The following CYP7B1 variants were observed in gnomAD, a reference collection of about 807,000 sequenced individuals.
The protein encoded by CYP7B1 is cytochrome P450 family 7 subfamily B member 1.
A neutral mutation model predicts 42.7 loss-of-function variants in CYP7B1; 29 were observed. That is an observed-to-expected ratio of 0.68 (90% CI 0.51 to 0.93). The LOEUF is 0.93. CYP7B1 is among the 40% of genes least tolerant of loss of function. CYP7B1 has a pLI of 0.00. For synonymous variants in CYP7B1, 235 were observed against 218.2 expected, an observed-to-expected ratio of 1.08 and a Z score of -0.68; for missense variants, 655 against 600.5, an observed-to-expected ratio of 1.09 and a Z score of -0.95.
At chr8:64,738,218 T>C (rs545721378) in intron 1 of CYP7B1, among the ~76,000 whole-genome samples, 10 of 152,310 alleles carry the variant, frequency 6.6e-5, no homozygotes, top group African/African-American at 2.2e-4. Context: ...ATTTATATTG[T>C]GAAGTCTCTA....
intron 1 of CYP7B1, among the ~76,000 whole-genome samples, chr8:64,725,717 A>C (rs537375201): frequency 1.3e-5 from 2 of 152,232 alleles, no homozygotes; most frequent in Non-Finnish European, 2.9e-5. Context: ...GGGAAGACTG[A>C]CACACTTCTT....
chr8:64,588,271 A>G (rs987632660), downstream of CYP7B1, among the ~76,000 whole-genome samples: 3 of 152,252 alleles, frequency 2.0e-5, no homozygotes, highest in Non-Finnish European at 4.4e-5. Flanking sequence ...CCGAAAAACT[A>G]ATGGCAGCCA....
At position 64,594,196 on chromosome 8, in the gene CYP7B1, T is replaced by C. The variant is rs561071410; in HGVS notation, c.*2446A>G. ...GGCACAGTAGTGTGAGGATAGGTGA[T>C]GGAAAAGCTTTTAAGTTCTGCTTTG... On this transcript the variant is annotated 3_prime_UTR_variant, in exon 6 of 6. Coordinates refer to ENST00000310193, the MANE Select transcript of CYP7B1 (RefSeq NM_004820.5). Among the ~76,000 whole-genome samples, 248 of 152,246 alleles carry C rather than the reference T, an allele frequency of 1.6e-3. No individual in the cohort carries two copies. The highest frequency in any genetic ancestry group is 4.6e-3 in the Admixed American group (70 of 15,294).
chr8:64,704,972 T>C (rs1473881259), intron 1 of CYP7B1, among the ~76,000 whole-genome samples: 2 of 152,030 alleles, frequency 1.3e-5, no homozygotes, highest in Non-Finnish European at 2.9e-5. Context: ...TGTTTAGACA[T>C]TATCTCTGTG....
chr8:64,736,836 C>T (rs1339920425), intron 1 of CYP7B1, among the ~76,000 whole-genome samples: 1 of 152,098 alleles, frequency 6.6e-6, no homozygotes, highest in Non-Finnish European at 1.5e-5. Context: ...ATCCATATCT[C>T]AAATCTAATC....
At chr8:64,732,682 C>T (rs1807430297) in intron 1 of CYP7B1, among the ~76,000 whole-genome samples, 1 of 152,042 alleles carries the variant, frequency 6.6e-6, no homozygotes, top group African/African-American at 2.4e-5. Context: ...GCTCTGTGTC[C>T]CCAATCCAAA....
At chr8:64,651,445 G>T (rs73689567) in intron 1 of CYP7B1, among the ~76,000 whole-genome samples, 142 of 152,344 alleles carry the variant, frequency 9.3e-4, no homozygotes, top group African/African-American at 3.2e-3. Context: ...AGCGTCTGGA[G>T]CCAGATTATC....
At chr8:64,701,599 C>T (rs1021598301) in intron 1 of CYP7B1, among the ~76,000 whole-genome samples, 15 of 151,940 alleles carry the variant, frequency 9.9e-5, no homozygotes, top group Non-Finnish European at 2.1e-4. Flanking sequence ...GCTTAAATGC[C>T]TGAATAAAAT....
At chr8:64,641,537 G>A (rs1487822068) in intron 1 of CYP7B1, among the ~76,000 whole-genome samples, 1 of 152,076 alleles carries the variant, frequency 6.6e-6, no homozygotes, top group Non-Finnish European at 1.5e-5. Context: ...ACTTGAAAAG[G>A]TTCAGGAAAA....
At position 64,638,842 on chromosome 8, in the gene CYP7B1, T is replaced by C. The variant is rs187356992; in HGVS notation, c.123-14303A>G. Among the ~76,000 whole-genome samples the C allele has an allele frequency of 2.6e-5, 4 of 152,106 alleles. No individual in the cohort carries two copies. The East Asian group carries it at 5.8e-4, about 22-fold the overall frequency. ...TTTTGTGTATGTGTGTGTGTGTGTG[T>C]GCCTGTGTGTGTGCATGAACATGTA... On this transcript the variant is annotated intron_variant, in intron 1 of 5. Transcript: ENST00000310193.
intron 1 of CYP7B1, among the ~76,000 whole-genome samples, chr8:64,714,077 G>A (rs1046040781): frequency 3.9e-5 from 6 of 152,128 alleles, no homozygotes; most frequent in Admixed American, 2.0e-4. Flanking sequence ...GCTCAATGTC[G>A]CCCAGCTTTT....
intron 1 of CYP7B1, among the ~76,000 whole-genome samples, chr8:64,664,987 C>T (rs1563382113): frequency 6.6e-6 from 1 of 152,162 alleles, no homozygotes; most frequent in Non-Finnish European, 1.5e-5. Context: ...AAAAAGCACT[C>T]AGACCATGGC....
intron 1 of CYP7B1, among the ~76,000 whole-genome samples, chr8:64,777,958 T>G (rs1327812626): frequency 6.6e-6 from 1 of 151,906 alleles, no homozygotes; most frequent in African/African-American, 2.4e-5. Context: ...TCAGTTTAAC[T>G]TTAAAATATG....
intron 1 of CYP7B1, among the ~76,000 whole-genome samples, chr8:64,772,555 A>C (rs1405384460): frequency 6.6e-6 from 1 of 152,212 alleles, no homozygotes; most frequent in Non-Finnish European, 1.5e-5. Flanking sequence ...TGCCAGCCTC[A>C]GTAATCATGT....
At chr8:64,633,397 A>G (rs1805725524) in intron 1 of CYP7B1, among the ~76,000 whole-genome samples, 1 of 152,208 alleles carries the variant, frequency 6.6e-6, no homozygotes, top group Non-Finnish European at 1.5e-5. Flanking sequence ...ATGAAGTACT[A>G]CAGTAAAGTT....
intron 1 of CYP7B1, among the ~76,000 whole-genome samples, chr8:64,642,496 A>C (rs1427524808): frequency 6.6e-6 from 1 of 152,170 alleles, no homozygotes; most frequent in Admixed American, 6.5e-5. Context: ...ATGATGATTT[A>C]TTTGGTATGG....
chr8:64,614,388 A>G (rs905845794), intron 4 of CYP7B1, among the ~76,000 whole-genome samples: 4 of 152,094 alleles, frequency 2.6e-5, no homozygotes, highest in African/African-American at 4.8e-5. Context: ...TAAAATATCA[A>G]TGTTTCACAG....
intron 1 of CYP7B1, among the ~76,000 whole-genome samples, chr8:64,749,556 A>C (rs749371091): frequency 6.6e-6 from 1 of 152,194 alleles, no homozygotes; most frequent in Non-Finnish European, 1.5e-5. Flanking sequence ...AGTAGATTTG[A>C]AGACTTATTG....
intron 1 of CYP7B1, among the ~76,000 whole-genome samples, chr8:64,655,098 G>A (rs1329438751): frequency 6.6e-6 from 1 of 152,082 alleles, no homozygotes; most frequent in Non-Finnish European, 1.5e-5. Flanking sequence ...TACCATCCTG[G>A]ACATAGGAAT....
Sources: gnomAD v4.1 joint callset for allele counts (sites outside exome capture counted in the v4.1 genomes callset) on GRCh38, gnomAD v4.1.1 for gene constraint, MANE v1.5 for transcripts, NCBI Gene and HGNC (gene_info 2026-07-23, HGNC 2026-07-21) for gene names.